Variants in LRFN5 observed in about 807,000 individuals in gnomAD.
LRFN5 encodes the protein leucine-rich repeat and fibronectin type-III domain-containing protein 5.
In LRFN5, 24 loss-of-function variants were observed where a neutral mutation model predicts 45.6. The ratio of observed to expected loss-of-function variants is 0.53; its 90% CI spans 0.38 to 0.74. The LOEUF (loss-of-function observed/expected upper bound fraction) is 0.74, where lower values mean the gene tolerates loss of function less well. Among genes scored for constraint, LRFN5 ranks in the 30% least tolerant of loss-of-function variants. The pLI, the probability that LRFN5 is intolerant of heterozygous loss-of-function variation, is 0.00. For missense variants in LRFN5, 776 were observed against 861.5 expected (o/e 0.90, Z 1.24); for synonymous variants, 340 against 313.8 (o/e 1.08, Z -0.88).
chr14:41,772,637 C>T (rs1056810631), intron 2 of LRFN5, among the ~76,000 whole-genome samples: 1 of 152,148 alleles, frequency 6.6e-6, no homozygotes, highest in Admixed American at 6.5e-5. Flanking sequence ...ATAGCACAGA[C>T]CTTGCTAGTC....
intron 2 of LRFN5, among the ~76,000 whole-genome samples, chr14:41,773,562 T>C (rs1024493640): frequency 4.0e-5 from 6 of 150,882 alleles, no homozygotes; most frequent in Non-Finnish European, 7.4e-5. Context: ...TCTCTCTTTG[T>C]CTCTCTCTCT....
intron 2 of LRFN5, among the ~76,000 whole-genome samples, chr14:41,768,681 G>A (rs1296046943): frequency 1.3e-5 from 2 of 152,088 alleles, no homozygotes. Flanking sequence ...AGAAACTCCA[G>A]AGATTTTATC....
chr14:41,849,503 T>G (rs1234711757), intron 2 of LRFN5, among the ~76,000 whole-genome samples: 2 of 151,884 alleles, frequency 1.3e-5, no homozygotes, highest in Non-Finnish European at 2.9e-5. Flanking sequence ...CTGCAATTAC[T>G]GGGACACCTC....
chr14:41,649,782 C>T (rs185871443), intron 1 of LRFN5, among the ~76,000 whole-genome samples: 1 of 152,280 alleles, frequency 6.6e-6, no homozygotes, highest in East Asian at 1.9e-4. Context: ...TTTCAATTCA[C>T]TGAACTCCAC....
At chr14:41,881,706 A>G (rs892418079) in intron 2 of LRFN5, among the ~76,000 whole-genome samples, 1 of 152,030 alleles carries the variant, frequency 6.6e-6, no homozygotes, top group African/African-American at 2.4e-5. Context: ...CAGGCTTTTA[A>G]AATCTGAATT....
intron 2 of LRFN5, among the ~76,000 whole-genome samples, chr14:41,882,412 A>T (rs1444809965): frequency 6.6e-6 from 1 of 152,130 alleles, no homozygotes; most frequent in Non-Finnish European, 1.5e-5. Context: ...GTCAGTCCTG[A>T]TAACTGAAAT....
intron 2 of LRFN5, among the ~76,000 whole-genome samples, chr14:41,778,995 C>T (rs57246886): frequency 0.012 from 1,792 of 151,746 alleles, 34 homozygotes; most frequent in African/African-American, 0.041. Context: ...CATTTATTCT[C>T]CTTTCATTTC....
Position 41,632,986 on chromosome 14 carries a change from A to G in LRFN5, c.-197+24424A>G, listed in dbSNP as rs573928777. ...TATTTTATAGTTAACAAAGTACAGA[A>G]TTTGCAGTCAGACTTGGTTTCCAAT... On this transcript the variant is annotated intron_variant, in intron 1 of 5. Coordinates refer to ENST00000298119, the MANE Select transcript of LRFN5 (RefSeq NM_152447.5). 1.7e-3 allele frequency among the ~76,000 whole-genome samples: 260 copies of G among 152,250 alleles called. 2 individuals carry two copies. Among genetic ancestry groups the G allele is most frequent in the Non-Finnish European group, 2.9e-3 (199 of 68,006 alleles).
intron 2 of LRFN5, among the ~76,000 whole-genome samples, chr14:41,846,974 C>A (rs1017852120): frequency 2.6e-5 from 4 of 152,080 alleles, no homozygotes; most frequent in Non-Finnish European, 4.4e-5. Context: ...CTTCAAGCTT[C>A]TTTTTGCTGT....
chr14:41,856,516 G>A lies in LRFN5; in HGVS notation c.-20-30090G>A, dbSNP rs377376889. On this transcript the variant is annotated intron_variant, in intron 2 of 5. Coordinates refer to ENST00000298119, the MANE Select transcript of LRFN5 (RefSeq NM_152447.5). ...AGTAATGGAAGAAAAAACTTATGGG[G>A]TGTGTTCACCCCCTTGAATGTGAGC... is the stretch of plus-strand genomic sequence containing the variant. Among the ~76,000 whole-genome samples, 55 of 151,834 alleles carry A rather than the reference G, an allele frequency of 3.6e-4. No individual in the cohort carries two copies. The South Asian group carries it at 0.011, about 32-fold the overall frequency.
intron 2 of LRFN5, among the ~76,000 whole-genome samples, chr14:41,793,665 A>T (rs1473932920): frequency 6.6e-6 from 1 of 151,984 alleles, no homozygotes; most frequent in African/African-American, 2.4e-5. Flanking sequence ...GACTCCCCCA[A>T]GCATCACTAT....
chr14:41,721,473 A>G (rs1329491828), intron 1 of LRFN5, among the ~76,000 whole-genome samples: 1 of 152,148 alleles, frequency 6.6e-6, no homozygotes, highest in Non-Finnish European at 1.5e-5. Context: ...TCTGTGGACT[A>G]TGTACTTAAG....
At chr14:41,830,577 G>A (rs1271231315) in intron 2 of LRFN5, among the ~76,000 whole-genome samples, 2 of 152,186 alleles carry the variant, frequency 1.3e-5, no homozygotes, top group East Asian at 1.9e-4. Flanking sequence ...AAATTTTGAA[G>A]AATAAAGAAT....
At chr14:41,853,404 G>A (rs1889341550) in intron 2 of LRFN5, among the ~76,000 whole-genome samples, 1 of 151,876 alleles carries the variant, frequency 6.6e-6, no homozygotes, top group Admixed American at 6.6e-5. Flanking sequence ...TGACAATGGA[G>A]ATCAAGTTAA....
intron 1 of LRFN5, among the ~76,000 whole-genome samples, chr14:41,650,782 C>G (rs1264933339): frequency 6.6e-6 from 1 of 151,424 alleles, no homozygotes; most frequent in East Asian, 1.9e-4. Context: ...GTGTAGCCAT[C>G]AAATATTTAA....
At chr14:41,787,056 AT>A (rs1220394932) in intron 2 of LRFN5, among the ~76,000 whole-genome samples, 3 of 152,080 alleles carry the variant, frequency 2.0e-5, no homozygotes, top group Non-Finnish European at 4.4e-5. Context: ...CATATGGTGC[AT>A]CTTTAAAGCT....
At position 41,886,826 on chromosome 14, in the gene LRFN5, A is replaced by C; in HGVS notation, c.201A>C (p.Lys67Asn). ...RLADNFVTNI[K>N]RKDFANMTSL... ...CAGACAATTTTGTTACAAATATTAA[A>C]AGGAAAGATTTTGCCAATATGACCA... The change falls in exon 3 of 6, where the codon AAA (lysine) becomes AAC (asparagine). Residue 67 changes from lysine (K) to asparagine (N), a missense_variant. Lys to Asn is a moderately conservative substitution (Grantham distance 94). Coordinates refer to ENST00000298119, the MANE Select transcript of LRFN5 (RefSeq NM_152447.5). 6.2e-7 allele frequency: 1 copy of C among 1,614,090 alleles called. No homozygotes were observed. The highest frequency in any genetic ancestry group is 8.5e-7 in the Non-Finnish European group (1 of 1,179,996).
intron 1 of LRFN5, among the ~76,000 whole-genome samples, chr14:41,741,434 A>G (rs1487524144): frequency 1.3e-5 from 2 of 151,764 alleles, no homozygotes; most frequent in East Asian, 1.9e-4. Flanking sequence ...ACAAAGATAA[A>G]CACAATGAAG....
intron 1 of LRFN5, among the ~76,000 whole-genome samples, chr14:41,739,893 C>T (rs184394799): frequency 2.0e-5 from 3 of 151,764 alleles, no homozygotes; most frequent in Admixed American, 2.0e-4. Context: ...CACAGAAATG[C>T]AAGGGACCTA....
Sources: allele counts gnomAD v4.1 joint callset (sites outside exome capture counted in the v4.1 genomes callset), GRCh38; gene constraint gnomAD v4.1.1; transcripts MANE v1.5; gene names NCBI Gene and HGNC (gene_info 2026-07-23, HGNC 2026-07-21).